The following NFIB variants were observed in gnomAD, a reference collection of about 807,000 sequenced individuals.
NFIB encodes nuclear factor 1 B-type.
Under a neutral mutation model 61.5 loss-of-function variants are expected in NFIB, and 11 were observed. That is an observed-to-expected ratio of 0.18 (90% CI 0.11 to 0.30). The LOEUF (loss-of-function observed/expected upper bound fraction) is 0.30, where lower values mean the gene tolerates loss of function less well. NFIB is among the 10% of genes least tolerant of loss of function. The probability of loss-of-function intolerance (pLI) is 1.00; values close to 1 mark genes in which losing one functional copy is unlikely to be tolerated. For synonymous variants in NFIB, 260 were observed against 216.5 expected (o/e 1.20, Z -1.76); for missense variants, 471 against 608.9 (o/e 0.77, Z 2.38).
At chr9:14,305,815 G>A (rs548248495) in intron 2 of NFIB, 1 of 344,428 alleles carries the variant, frequency 2.9e-6, no homozygotes, top group African/African-American at 2.1e-5. Flanking sequence ...ACAAACCTCA[G>A]GTAACAGTCT....
intron 8 of NFIB, among the ~76,000 whole-genome samples, chr9:14,116,996 A>T (rs182834965): frequency 1.3e-5 from 2 of 152,342 alleles, no homozygotes; most frequent in East Asian, 3.9e-4. Flanking sequence ...CTAATACAAG[A>T]AGATAGAATA....
upstream of NFIB, among the ~76,000 whole-genome samples, chr9:14,318,631 A>G (rs1162909480): frequency 6.7e-6 from 1 of 149,718 alleles, no homozygotes; most frequent in African/African-American, 2.5e-5. Flanking sequence ...GAGACAGATG[A>G]CCTCCTGACC....
intron 1 of NFIB, among the ~76,000 whole-genome samples, chr9:14,332,335 A>AG (rs1170600119): frequency 6.6e-6 from 1 of 150,438 alleles, no homozygotes; most frequent in Non-Finnish European, 1.5e-5. Context: ...TCCGTCAAAA[A>AG]AAAAAAAAAA....
upstream of NFIB, among the ~76,000 whole-genome samples, chr9:14,318,884 C>G (rs980806724): frequency 6.6e-6 from 1 of 151,984 alleles, no homozygotes. Flanking sequence ...ATCAAATTAC[C>G]CAGCTCTTAA....
the NFIB span, among the ~76,000 whole-genome samples, chr9:14,415,656 G>A: frequency 1.3e-5 from 2 of 152,186 alleles, no homozygotes; most frequent in African/African-American, 4.8e-5. Context: ...ATGAAGCTTA[G>A]GGAAGATGAA....
At chr9:14,349,542 G>C (rs895754084) in intron 1 of NFIB, among the ~76,000 whole-genome samples, 9 of 152,126 alleles carry the variant, frequency 5.9e-5, no homozygotes, top group African/African-American at 1.7e-4. Context: ...CCAAAGCAGG[G>C]CTCGTTTGGG....
the NFIB span, among the ~76,000 whole-genome samples, chr9:14,462,731 G>A: frequency 1.3e-5 from 2 of 152,152 alleles, no homozygotes; most frequent in African/African-American, 4.8e-5. Flanking sequence ...ATAGTTAAAA[G>A]TGAGGCGTTC....
chr9:14,422,661 T>C, the NFIB span, among the ~76,000 whole-genome samples: 1 of 152,232 alleles, frequency 6.6e-6, no homozygotes, highest in Non-Finnish European at 1.5e-5. Context: ...GGATTCAGAT[T>C]GGCTCAGCAT....
chr9:14,279,460 G>T (rs1365900358), intron 2 of NFIB, among the ~76,000 whole-genome samples: 1 of 152,076 alleles, frequency 6.6e-6, no homozygotes, highest in Non-Finnish European at 1.5e-5. Flanking sequence ...ATCAAAAAGG[G>T]AAATTAAGGC....
chr9:14,502,529 C>G, the NFIB span, among the ~76,000 whole-genome samples: 1 of 152,158 alleles, frequency 6.6e-6, no homozygotes, highest in South Asian at 2.1e-4. Flanking sequence ...TTCCACTTGT[C>G]AAGAAATCAG....
At chr9:14,347,572 G>A (rs903149745) in intron 1 of NFIB, among the ~76,000 whole-genome samples, 4 of 152,080 alleles carry the variant, frequency 2.6e-5, no homozygotes, top group Non-Finnish European at 4.4e-5. Context: ...GGAGTGAGCT[G>A]GGTGCGATTG....
chr9:14,183,457 G>A (rs1340996111), intron 2 of NFIB, among the ~76,000 whole-genome samples: 3 of 150,866 alleles, frequency 2.0e-5, no homozygotes, highest in South Asian at 2.1e-4. Context: ...AGGCTAGAGT[G>A]CAGTAGCACT....
chr9:14,307,228 T>C lies in NFIB; in HGVS notation c.323A>G (p.Asn108Ser), dbSNP rs1406867522. Residue 108 changes from asparagine to serine, a missense_variant, in exon 2 of 11, where the codon AAT becomes AGT. Coordinates refer to ENST00000380953, the MANE Select transcript of NFIB (RefSeq NM_001190737.2). The surrounding 1 kb of genome is among the most constrained non-coding windows in gnomAD (Gnocchi z 5.3). ...GKKHPCCVLS[N>S]PDQKGKIRRI... ...CCTAATCTTACCCTTCTGGTCGGGATTGGATAAGACACAGCACGGGTGCTT... is the reference window on the plus strand; with the variant it reads ...CCTAATCTTACCCTTCTGGTCGGGACTGGATAAGACACAGCACGGGTGCTT... 3.1e-6 allele frequency: 5 copies of C among 1,613,882 alleles called. No individual in the cohort carries two copies. The highest frequency in any genetic ancestry group is 2.2e-5 in the South Asian group (2 of 91,078).
intron 4 of NFIB, 33 bp from the exon 5 acceptor site, chr9:14,150,298 A>G (rs778621724): frequency 1.4e-5 from 23 of 1,612,428 alleles, no homozygotes; most frequent in Middle Eastern, 1.6e-4. Context: ...ACTGGGAATG[A>G]CATTCGTATT....
chr9:14,273,263 G>C (rs1260326856), intron 2 of NFIB, among the ~76,000 whole-genome samples: 1 of 152,108 alleles, frequency 6.6e-6, no homozygotes, highest in Non-Finnish European at 1.5e-5. Flanking sequence ...TATTATCTGT[G>C]TAACTCTACA....
chr9:14,288,633 G>A (rs1396310722), intron 2 of NFIB, among the ~76,000 whole-genome samples: 2 of 151,954 alleles, frequency 1.3e-5, no homozygotes, highest in African/African-American at 4.8e-5. Flanking sequence ...AGTCACACAG[G>A]GTTCCCTCCC....
At chr9:14,305,998 T>C in intron 2 of NFIB, 1 of 1,317,730 alleles carries the variant, frequency 7.6e-7, no homozygotes. Context: ...ATGCATTTAT[T>C]TGAAGAAAAG....
intron 2 of NFIB, among the ~76,000 whole-genome samples, chr9:14,187,318 C>T (rs1397563534): frequency 6.6e-6 from 1 of 152,096 alleles, no homozygotes; most frequent in African/African-American, 2.4e-5. Flanking sequence ...GAAATTAGAC[C>T]TCTCTGAATA....
chr9:14,097,494 C>G (rs1352697825), intron 10 of NFIB, among the ~76,000 whole-genome samples: 2 of 152,156 alleles, frequency 1.3e-5, no homozygotes, highest in Non-Finnish European at 2.9e-5. Context: ...GCAGGAAATG[C>G]TAACCTAGTG....
Sources: gnomAD v4.1 joint callset for allele counts (sites outside exome capture counted in the v4.1 genomes callset) on GRCh38, gnomAD v4.1.1 for gene constraint, Gnocchi (gnomAD v3.1) non-coding constraint, MANE v1.5 for transcripts, NCBI Gene and HGNC (gene_info 2026-07-23, HGNC 2026-07-21) for gene names.